SGCA: variants seen among roughly 807,000 people sequenced by gnomAD.
SGCA encodes the protein sarcoglycan alpha, also known as alpha-sarcoglycan.
In SGCA, 34 loss-of-function variants were observed where a neutral mutation model predicts 38.1. The ratio of observed to expected loss-of-function variants is 0.89; its 90% CI spans 0.68 to 1.19. The LOEUF (loss-of-function observed/expected upper bound fraction) is 1.19. Ranked by LOEUF, SGCA falls within the 50% of genes most tolerant of loss-of-function variation. The pLI is 0.00. For missense variants in SGCA, 476 were observed against 524.9 expected, an observed-to-expected ratio of 0.91 and a Z score of 0.91; for synonymous variants, 209 against 214.6, an observed-to-expected ratio of 0.97 and a Z score of 0.23.
intron 8 of SGCA, among the ~76,000 whole-genome samples, chr17:50,173,873 G>A (rs987558210): frequency 1.3e-5 from 2 of 152,194 alleles, no homozygotes; most frequent in Middle Eastern, 3.2e-3. Context: ...GGTCTTTTCT[G>A]CAGTCTAAAC....
chr17:50,166,729 A>ACACACACCCT (rs1223742050), intron 1 of SGCA, among the ~76,000 whole-genome samples: 58 of 99,046 alleles, frequency 5.9e-4, no homozygotes, highest in Non-Finnish European at 7.5e-4. Flanking sequence ...ACACACCCTC[A>ACACACACCCT]CACACACCCT....
chr17:50,173,621 G>A (rs1905661557), intron 8 of SGCA, among the ~76,000 whole-genome samples: 2 of 152,184 alleles, frequency 1.3e-5, no homozygotes, highest in African/African-American at 2.4e-5. Context: ...ACTGACTGAG[G>A]CCTTCCTCTG....
In SGCA at chr17:50,168,568, G is replaced by T. The variant is rs1057516664; in HGVS notation, c.580G>T (p.Glu194Ter). The change falls in exon 5 of 10, where the codon GAA (glutamate) becomes TAA (stop). Residue 194 changes from glutamate to a stop codon, truncating the protein, a stop_gained. Transcript: ENST00000262018. LOFTEE classifies it high-confidence loss of function. ...RVPLPIEGRK[E>*]GVYIKVGSAS... ...CCCCCTTCCCATTGAGGGCCGAAAA[G>T]AAGGGTAGGTGTGCAACCCTAGAGG... 2.6e-6 allele frequency: 4 copies of T among 1,563,668 alleles called. No homozygotes were observed. Among genetic ancestry groups the T allele is most frequent in the Non-Finnish European group, 3.5e-6 (4 of 1,153,260 alleles).
At chr17:50,166,148 G>T in intron 1 of SGCA, 71 bp downstream of exon 1, 2 of 1,276,752 alleles carry the variant, frequency 1.6e-6, no homozygotes, top group South Asian at 1.2e-5. Flanking sequence ...TAAGACGGAG[G>T]TGTGGAGGGC....
chr17:50,174,289 G>C (rs1261601474), intron 8 of SGCA, among the ~76,000 whole-genome samples: 1 of 152,100 alleles, frequency 6.6e-6, no homozygotes, highest in African/African-American at 2.4e-5. Flanking sequence ...CCACTGCACT[G>C]AAGTTGGCGA....
At chr17:50,173,722 A>C (rs1905669352) in intron 8 of SGCA, among the ~76,000 whole-genome samples, 1 of 152,106 alleles carries the variant, frequency 6.6e-6, no homozygotes, top group Non-Finnish European at 1.5e-5. Context: ...TGGGAATAGA[A>C]AATTGGGTTT....
rs1555569293 is a variant in SGCA, at chr17:50,170,256, G to A, written c.861G>A (p.Leu287=). 2 of 1,614,204 alleles carry A rather than the reference G, an allele frequency of 1.2e-6. No homozygotes were observed. Among genetic ancestry groups the A allele is most frequent in the African/African-American group, 1.3e-5 (1 of 75,052 alleles). The change falls in exon 7 of 10, where the codon TTG becomes TTA. Residue 287 remains leucine (L), a synonymous_variant. Coordinates refer to ENST00000262018, the MANE Select transcript of SGCA (RefSeq NM_000023.4). ...PPTEAPDRDF[L]VDALVTLLVP... is the part of the protein sequence containing the mutation. ...CTGAGGCCCCAGACCGTGACTTCTTGGTGGATGCTCTGGTCACCCTCCTGG... is the reference window on the plus strand; with the variant it reads ...CTGAGGCCCCAGACCGTGACTTCTTAGTGGATGCTCTGGTCACCCTCCTGG...
Position 50,170,628 on chromosome 17 carries a change from A to G in SGCA, c.957-12A>G, listed in dbSNP as rs750403766. On this transcript the variant is annotated splice_polypyrimidine_tract_variant and intron_variant, in intron 7 of 9. Transcript: ENST00000262018. ...CAGAGCTGGGCTAACCCTCTCCTTCACTTTTCCACAGGCTGAAGAGAGACC... is the reference window on the plus strand; with the variant it reads ...CAGAGCTGGGCTAACCCTCTCCTTCGCTTTTCCACAGGCTGAAGAGAGACC... The G allele has an allele frequency of 1.3e-5, 21 of 1,559,268 alleles. No homozygotes were observed. Among genetic ancestry groups the G allele is most frequent in the Non-Finnish European group, 1.7e-5 (19 of 1,150,558 alleles).
In SGCA at chr17:50,168,435, G is replaced by A; in HGVS notation, c.447G>A (p.Leu149=). ...LVRSHDAEEV[L]PSTPASRFLS... ...GCAGCCACGATGCGGAGGAGGTGCT[G>A]CCCTCAACACCTGCCAGCCGCTTCC... The change falls in exon 5 of 10, where the codon CTG becomes CTA. Residue 149 remains leucine, a synonymous_variant. Transcript: ENST00000262018. 6.3e-7 allele frequency: 1 copy of A among 1,590,684 alleles called. No homozygotes were observed. Among genetic ancestry groups the A allele is most frequent in the Non-Finnish European group, 8.6e-7 (1 of 1,168,702 alleles).
intron 4 of SGCA, 53 bp from the exon 5 acceptor site, chr17:50,168,321 C>T (rs1273980953): frequency 4.7e-6 from 7 of 1,480,696 alleles, no homozygotes; most frequent in Admixed American, 2.0e-5. Context: ...GGAGGCTTTG[C>T]GGGGCAGAGC....
At position 50,167,398 on chromosome 17, in the gene SGCA, C is replaced by T. The variant is rs760528436; in HGVS notation, c.68C>T (p.Ala23Val). Reference protein sequence around the residue: ...VLLAGLGDTEAQQTTLHPLVG... With the variant: ...VLLAGLGDTEVQQTTLHPLVG... The stretch of plus-strand genomic sequence containing the variant: ...CTGGCAGGGCTGGGGGACACCGAGG[C>T]CCAGCAGACCACGCTACACCCACTT... The change falls in exon 2 of 10, where the codon GCC (alanine) becomes GTC (valine). Residue 23 changes from alanine (A) to valine (V), a missense_variant. Physicochemically the swap from Ala to Val is moderately conservative, Grantham distance 64. Transcript: ENST00000262018. This position sits in a 1 kb window ranked among gnomAD's most constrained non-coding sequence, Gnocchi z 4.5. 1 of 1,614,170 alleles carries T rather than the reference C, an allele frequency of 6.2e-7. No individual in the cohort carries two copies. The highest frequency in any genetic ancestry group is 2.2e-5 in the East Asian group (1 of 44,880).
chr17:50,172,368 A>C, intron 8 of SGCA: 1 of 443,722 alleles, frequency 2.3e-6, no homozygotes, highest in South Asian at 1.6e-5. Context: ...TGGTGGAGGC[A>C]TGTAACATGC....
chr17:50,173,652 C>T (rs1269919934), intron 8 of SGCA, among the ~76,000 whole-genome samples: 1 of 152,226 alleles, frequency 6.6e-6, no homozygotes, highest in Non-Finnish European at 1.5e-5. Context: ...ACCTGCCCAG[C>T]TGTCTCTATC....
intron 7 of SGCA, 54 bp from the exon 8 acceptor site, chr17:50,170,586 C>T: frequency 1.3e-6 from 2 of 1,542,710 alleles, no homozygotes; most frequent in Non-Finnish European, 1.8e-6. Context: ...AGCCCTGGGG[C>T]ACCTTGGGGC....
intron 9 of SGCA, 63 bp downstream of exon 9, chr17:50,175,512 G>A: frequency 6.9e-7 from 1 of 1,442,156 alleles, no homozygotes; most frequent in Non-Finnish European, 9.6e-7. Flanking sequence ...TCACAAGGCT[G>A]GGGCAAATGG....
intron 1 of SGCA, among the ~76,000 whole-genome samples, chr17:50,166,371 G>C (rs1459114920): frequency 6.6e-6 from 1 of 152,074 alleles, no homozygotes; most frequent in Non-Finnish European, 1.5e-5. Flanking sequence ...GAGCTGGCTG[G>C]GCCGCAGCTT....
Position 50,167,170 on chromosome 17 carries a change from C to A in SGCA, c.38-198C>A, listed in dbSNP as rs12939159. 6.6e-6 allele frequency among the ~76,000 whole-genome samples: 1 copy of A among 151,992 alleles called. No individual in the cohort carries two copies. Among genetic ancestry groups the A allele is most frequent in the Admixed American group, 6.5e-5 (1 of 15,272 alleles). On this transcript the variant is annotated intron_variant, in intron 1 of 9. Transcript: ENST00000262018. The surrounding 1 kb of genome is among the most constrained non-coding windows in gnomAD (Gnocchi z 4.5). ...GTGGGAGAGGTTCTCCCTCGAATCC[C>A]GAAACCCAGACGATTAAAATGTCTA...
chr17:50,166,179 T>C, intron 1 of SGCA, 102 bp downstream of exon 1: 1 of 1,018,376 alleles, frequency 9.8e-7, no homozygotes, highest in Non-Finnish European at 1.6e-6. Context: ...GGGATCTGGG[T>C]TGGGTGAGGC....
chr17:50,167,897 G>A lies in SGCA; in HGVS notation c.313-50G>A. Reference sequence around the variant, plus strand: ...TCCTCTCCTGCCAGGCCCCCGCTGTGCCACGTTTCTCCCCTAACCCACTTC... The same window carrying A: ...TCCTCTCCTGCCAGGCCCCCGCTGTACCACGTTTCTCCCCTAACCCACTTC... On this transcript the variant is annotated intron_variant, in intron 3 of 9. Transcript: ENST00000262018. The surrounding 1 kb of genome is among the most constrained non-coding windows in gnomAD (Gnocchi z 4.5). 6.3e-7 allele frequency: 1 copy of A among 1,583,316 alleles called. No individual in the cohort carries two copies. Among genetic ancestry groups the A allele is most frequent in the Non-Finnish European group, 8.7e-7 (1 of 1,152,060 alleles).
Sources: gnomAD v4.1 joint callset for allele counts (sites outside exome capture counted in the v4.1 genomes callset) on GRCh38, gnomAD v4.1.1 for gene constraint, Gnocchi (gnomAD v3.1) non-coding constraint, MANE v1.5 for transcripts, NCBI Gene and HGNC (gene_info 2026-07-23, HGNC 2026-07-21) for gene names.